Variants in ZMAT4 observed in about 807,000 individuals in gnomAD.
ZMAT4 encodes zinc finger matrin-type protein 4.
A neutral mutation model predicts 28.7 loss-of-function variants in ZMAT4; 17 were observed. That is an observed-to-expected ratio of 0.59 (90% CI 0.41 to 0.89). The LOEUF is 0.89. ZMAT4 is among the 40% of genes least tolerant of loss of function. The probability of loss-of-function intolerance (pLI) is 0.00; values close to 1 mark genes in which losing one functional copy is unlikely to be tolerated. For missense variants in ZMAT4, 240 were observed against 283.8 expected, an observed-to-expected ratio of 0.85 and a Z score of 1.11; for synonymous variants, 117 against 109.2, an observed-to-expected ratio of 1.07 and a Z score of -0.44.
At chr8:40,550,935 A>G (rs1803350949) in intron 6 of ZMAT4, among the ~76,000 whole-genome samples, 1 of 152,200 alleles carries the variant, frequency 6.6e-6, no homozygotes, top group Admixed American at 6.5e-5. Flanking sequence ...ATATAATAGG[A>G]GAATATCATA....
chr8:40,565,420 G>A (rs1210875980), intron 6 of ZMAT4, among the ~76,000 whole-genome samples: 1 of 74,454 alleles, frequency 1.3e-5, no homozygotes, highest in South Asian at 4.5e-4. Flanking sequence ...TTTTGTTCTT[G>A]TTGCCCTGGC....
chr8:40,769,452 G>A (rs1813301147), intron 2 of ZMAT4, among the ~76,000 whole-genome samples: 1 of 152,126 alleles, frequency 6.6e-6, no homozygotes, highest in African/African-American at 2.4e-5. Flanking sequence ...CTGCCATTTT[G>A]CTGAGGGTAT....
chr8:40,765,857 T>C (rs1178547293), intron 3 of ZMAT4, among the ~76,000 whole-genome samples: 1 of 152,224 alleles, frequency 6.6e-6, no homozygotes, highest in East Asian at 1.9e-4. Flanking sequence ...AAATGGCTAT[T>C]ATATGAAAGG....
At chr8:40,557,348 C>T (rs754067888) in intron 6 of ZMAT4, among the ~76,000 whole-genome samples, 1 of 151,746 alleles carries the variant, frequency 6.6e-6, no homozygotes, top group Non-Finnish European at 1.5e-5. Flanking sequence ...TAATCTAGCT[C>T]CTACTCCTAC....
At chr8:40,740,021 C>T (rs1336947110) in intron 3 of ZMAT4, among the ~76,000 whole-genome samples, 2 of 152,144 alleles carry the variant, frequency 1.3e-5, no homozygotes, top group African/African-American at 2.4e-5. Context: ...TATGTTGCCA[C>T]ATTTTCTTTA....
chr8:40,846,858 A>G (rs1816920801), intron 1 of ZMAT4, among the ~76,000 whole-genome samples: 1 of 152,172 alleles, frequency 6.6e-6, no homozygotes, highest in Non-Finnish European at 1.5e-5. Context: ...AGCATAATTC[A>G]GGCTGTTCTG....
At chr8:40,773,797 T>C (rs912493657) in intron 2 of ZMAT4, among the ~76,000 whole-genome samples, 1 of 151,998 alleles carries the variant, frequency 6.6e-6, no homozygotes, top group Non-Finnish European at 1.5e-5. Context: ...AGGAGATCTA[T>C]GTAGAAGTCA....
chr8:40,811,702 AG>A (rs1446282135), intron 2 of ZMAT4, among the ~76,000 whole-genome samples: 1 of 152,218 alleles, frequency 6.6e-6, no homozygotes, highest in Admixed American at 6.5e-5. Flanking sequence ...CTCATTATGG[AG>A]TATTAGACAG....
At chr8:40,607,870 T>C (rs755060066) in intron 5 of ZMAT4, among the ~76,000 whole-genome samples, 5 of 152,084 alleles carry the variant, frequency 3.3e-5, no homozygotes, top group Non-Finnish European at 7.4e-5. Flanking sequence ...CAAAGAGTCC[T>C]GGGATGTGAT....
intron 2 of ZMAT4, among the ~76,000 whole-genome samples, chr8:40,785,906 A>T (rs1814055300): frequency 6.6e-6 from 1 of 152,130 alleles, no homozygotes; most frequent in Admixed American, 6.5e-5. Flanking sequence ...TGTTTCATAG[A>T]AATGTACTAA....
intron 3 of ZMAT4, among the ~76,000 whole-genome samples, chr8:40,746,502 TATAAGCGCA>T (rs1363129507): frequency 6.6e-6 from 1 of 151,824 alleles, no homozygotes; most frequent in African/African-American, 2.4e-5. Context: ...TAGTTAGGAC[TATAAGCGCA>T]TATCACCACA....
At chr8:40,544,220 A>C (rs925088660) in intron 6 of ZMAT4, among the ~76,000 whole-genome samples, 19 of 152,184 alleles carry the variant, frequency 1.2e-4, no homozygotes, top group African/African-American at 4.3e-4. Context: ...AAACTGTAAG[A>C]GTGATAAATT....
chr8:40,545,351 A>C (rs946163753), intron 6 of ZMAT4, among the ~76,000 whole-genome samples: 1 of 152,170 alleles, frequency 6.6e-6, no homozygotes, highest in Non-Finnish European at 1.5e-5. Flanking sequence ...TGTTGTTTGA[A>C]GCCACTAAGT....
At position 40,874,111 on chromosome 8, in the gene ZMAT4, G is replaced by A. The variant is rs117778563; in HGVS notation, c.-5+23572C>T. ...TTGCTGCTTCTTTTCTGTAACTTCC[G>A]CCCCAGACACTACTCCCTATAAAAC... On this transcript the variant is annotated intron_variant, in intron 1 of 6. Transcript: ENST00000297737. Among the ~76,000 whole-genome samples, 412 of 152,202 alleles carry A rather than the reference G, an allele frequency of 2.7e-3. 6 individuals carry two copies. In the East Asian group the frequency reaches 0.061, roughly 23 times the overall value.
chr8:40,892,215 T>C (rs970847106), intron 1 of ZMAT4, among the ~76,000 whole-genome samples: 1 of 152,200 alleles, frequency 6.6e-6, no homozygotes, highest in Non-Finnish European at 1.5e-5. Flanking sequence ...AGGGAGAAGT[T>C]TGCAGAGATA....
At chr8:40,895,461 A>G (rs1292980550) in intron 1 of ZMAT4, among the ~76,000 whole-genome samples, 1 of 152,148 alleles carries the variant, frequency 6.6e-6, no homozygotes, top group East Asian at 1.9e-4. Flanking sequence ...CACTTTGTCA[A>G]TTATTTTTCA....
chr8:40,583,945 G>A (rs1299330168), intron 5 of ZMAT4, among the ~76,000 whole-genome samples: 1 of 152,168 alleles, frequency 6.6e-6, no homozygotes, highest in Non-Finnish European at 1.5e-5. Context: ...ATTTGTCTCA[G>A]GTGAGCCTCA....
intron 2 of ZMAT4, among the ~76,000 whole-genome samples, chr8:40,799,139 A>ATGGC (rs527448026): frequency 0.01 from 1,351 of 133,944 alleles, 29 homozygotes; most frequent in African/African-American, 0.037. Flanking sequence ...AGAAGGATAG[A>ATGGC]TGGCTGGCTG....
chr8:40,701,188 T>C (rs1033105603), intron 3 of ZMAT4, among the ~76,000 whole-genome samples: 9 of 152,184 alleles, frequency 5.9e-5, no homozygotes, highest in African/African-American at 2.2e-4. Context: ...TAATATATAT[T>C]CCTAGATTTC....
Sources: gnomAD v4.1 joint callset for allele counts (sites outside exome capture counted in the v4.1 genomes callset) on GRCh38, gnomAD v4.1.1 for gene constraint, MANE v1.5 for transcripts, NCBI Gene and HGNC (gene_info 2026-07-23, HGNC 2026-07-21) for gene names.